Variants in FBXW7 observed in about 807,000 individuals in gnomAD.
The protein encoded by FBXW7 is F-box and WD repeat domain containing 7.
In FBXW7, 11 loss-of-function variants were observed where a neutral mutation model predicts 86.3. The ratio of observed to expected loss-of-function variants is 0.13; its 90% CI spans 0.08 to 0.21. The LOEUF is 0.21. FBXW7 is among the 10% of genes least tolerant of loss of function. The pLI, the probability that FBXW7 is intolerant of heterozygous loss-of-function variation, is 1.00. For missense variants in FBXW7, 488 were observed against 847.4 expected (o/e 0.58, Z 5.27); for synonymous variants, 313 against 297.9 (o/e 1.05, Z -0.52).
At chr4:152,477,135 AG>A (rs1744484665) in intron 2 of FBXW7, among the ~76,000 whole-genome samples, 1 of 152,034 alleles carries the variant, frequency 6.6e-6, no homozygotes, top group South Asian at 2.1e-4. Context: ...ACTCCAACTC[AG>A]GAGTCTCATA....
intron 2 of FBXW7, among the ~76,000 whole-genome samples, chr4:152,462,523 G>A (rs1743043608): frequency 6.6e-6 from 1 of 152,144 alleles, no homozygotes; most frequent in African/African-American, 2.4e-5. Flanking sequence ...TGATTCCCCT[G>A]AGTAAATTTC....
intron 2 of FBXW7, among the ~76,000 whole-genome samples, chr4:152,464,157 G>T (rs1371116429): frequency 6.6e-6 from 1 of 152,162 alleles, no homozygotes; most frequent in Admixed American, 6.5e-5. Context: ...CTGAACACTA[G>T]TAGAAATAAT....
At chr4:152,461,510 G>T (rs79155094) in intron 2 of FBXW7, among the ~76,000 whole-genome samples, 2,082 of 152,248 alleles carry the variant, frequency 0.014, 26 homozygotes, top group Middle Eastern at 0.037. Context: ...AAACAGAGGG[G>T]TGACTGTATT....
intron 11 of FBXW7, among the ~76,000 whole-genome samples, chr4:152,328,006 C>T (rs1363669222): frequency 6.6e-6 from 1 of 151,906 alleles, no homozygotes; most frequent in Non-Finnish European, 1.5e-5. Flanking sequence ...ACAACACTAG[C>T]AAATGAGAAA....
intron 2 of FBXW7, among the ~76,000 whole-genome samples, chr4:152,520,934 A>G (rs939367695): frequency 6.6e-6 from 1 of 152,226 alleles, no homozygotes; most frequent in Non-Finnish European, 1.5e-5. Context: ...CATTCAACAA[A>G]TATTTGCTGA....
Position 152,535,663 on chromosome 4 carries a change from C to T in FBXW7, c.-749G>A, listed in dbSNP as rs1055434850. ...CCCGCATGTGTCGCTGCGGCTGGGA[C>T]CCCCCTCCCTACACCTTGGGGGTCT... On this transcript the variant is annotated 5_prime_UTR_variant, in exon 1 of 14. Coordinates refer to ENST00000281708, the MANE Select transcript of FBXW7 (RefSeq NM_001349798.2). The T allele has an allele frequency of 2.8e-5, 11 of 396,228 alleles. No individual in the cohort carries two copies. Among genetic ancestry groups the T allele is most frequent in the African/African-American group, 2.3e-4 (11 of 48,486 alleles). 24.5% of individuals were successfully genotyped at this position (396,228 alleles called of 1,614,324 possible).
At chr4:152,462,324 T>C (rs1227055625) in intron 2 of FBXW7, among the ~76,000 whole-genome samples, 1 of 152,246 alleles carries the variant, frequency 6.6e-6, no homozygotes, top group Non-Finnish European at 1.5e-5. Flanking sequence ...TTGAGAAATG[T>C]ACTGTCAAAA....
rs1750424840 is a variant in FBXW7, at chr4:152,535,284, C to A, written c.-370G>T. ...GCCGGCCCCCCGGGTCCCCCCCGGCCCCGCCGCCCTCGGGACTGGGGCGGG... is the reference window on the plus strand; with the variant it reads ...GCCGGCCCCCCGGGTCCCCCCCGGCACCGCCGCCCTCGGGACTGGGGCGGG... On this transcript the variant is annotated 5_prime_UTR_variant, in exon 1 of 14. Transcript: ENST00000281708. 3.5e-6 allele frequency: 1 copy of A among 286,886 alleles called. No homozygotes were observed. Among genetic ancestry groups the A allele is most frequent in the African/African-American group, 2.2e-5 (1 of 45,776 alleles). The allele number at this position is 286,886 out of a possible 1,614,324, so 17.8% of individuals were successfully genotyped here.
At chr4:152,429,214 A>T (rs1739663893) in intron 2 of FBXW7, among the ~76,000 whole-genome samples, 1 of 152,180 alleles carries the variant, frequency 6.6e-6, no homozygotes, top group South Asian at 2.1e-4. Flanking sequence ...CACTTTAGAA[A>T]GCAAGAACAA....
intron 4 of FBXW7, among the ~76,000 whole-genome samples, chr4:152,380,328 T>C (rs1734952575): frequency 6.6e-6 from 1 of 152,038 alleles, no homozygotes; most frequent in African/African-American, 2.4e-5. Context: ...CAACTAACCA[T>C]TTGCAAAAGG....
chr4:152,430,580 G>A (rs1375885091), intron 2 of FBXW7, among the ~76,000 whole-genome samples: 1 of 151,972 alleles, frequency 6.6e-6, no homozygotes, highest in Non-Finnish European at 1.5e-5. Flanking sequence ...TTTTAAGTGG[G>A]TTATAATGTT....
At chr4:152,374,698 T>A (rs2126751016) in intron 4 of FBXW7, among the ~76,000 whole-genome samples, 1 of 152,176 alleles carries the variant, frequency 6.6e-6, no homozygotes, top group South Asian at 2.1e-4. Flanking sequence ...TCATATAACA[T>A]CATTGAGCAG....
chr4:152,385,308 A>T (rs1474014269), intron 4 of FBXW7, among the ~76,000 whole-genome samples: 2 of 152,056 alleles, frequency 1.3e-5, no homozygotes, highest in Admixed American at 6.6e-5. Context: ...AGAAAAATGA[A>T]TCAAAGACCT....
intron 2 of FBXW7, among the ~76,000 whole-genome samples, chr4:152,420,359 T>C (rs545101925): frequency 3.5e-4 from 53 of 152,294 alleles, no homozygotes; most frequent in Non-Finnish European, 6.6e-4. Flanking sequence ...CACTGTAGTC[T>C]TGAGCCCTTC....
intron 2 of FBXW7, among the ~76,000 whole-genome samples, chr4:152,469,426 T>C (rs903403642): frequency 6.6e-6 from 1 of 152,084 alleles, no homozygotes; most frequent in African/African-American, 2.4e-5. Context: ...TTTATGAAAT[T>C]CTTAACTACA....
intron 4 of FBXW7, among the ~76,000 whole-genome samples, chr4:152,396,704 C>T (rs938844057): frequency 6.6e-6 from 1 of 152,034 alleles, no homozygotes; most frequent in African/African-American, 2.4e-5. Flanking sequence ...CATTTCATTA[C>T]CTGTGCAAAA....
chr4:152,417,001 C>G (rs1738494810), intron 2 of FBXW7, among the ~76,000 whole-genome samples: 1 of 152,126 alleles, frequency 6.6e-6, no homozygotes, highest in Non-Finnish European at 1.5e-5. Flanking sequence ...TTACAACTCT[C>G]TCCTGTCCCT....
intron 2 of FBXW7, among the ~76,000 whole-genome samples, chr4:152,520,846 T>C (rs1748949204): frequency 1.3e-5 from 2 of 152,234 alleles, no homozygotes; most frequent in Admixed American, 1.3e-4. Flanking sequence ...ACTTTACTTC[T>C]AGGATATGCT....
intron 2 of FBXW7, among the ~76,000 whole-genome samples, chr4:152,435,806 AG>A (rs1326045680): frequency 6.6e-6 from 1 of 152,212 alleles, no homozygotes; most frequent in African/African-American, 2.4e-5. Context: ...TTTTTTCAAA[AG>A]CATGTGGTAA....
Sources: gnomAD v4.1 joint callset for allele counts (sites outside exome capture counted in the v4.1 genomes callset) on GRCh38, gnomAD v4.1.1 for gene constraint, MANE v1.5 for transcripts, NCBI Gene and HGNC (gene_info 2026-07-23, HGNC 2026-07-21) for gene names.